SLC39A11: variants seen among roughly 807,000 people sequenced by gnomAD.
SLC39A11 encodes solute carrier family 39 member 11.
Under a neutral mutation model 36.1 loss-of-function variants are expected in SLC39A11, and 33 were observed. That is an observed-to-expected ratio of 0.91 (90% CI 0.69 to 1.22). The LOEUF (loss-of-function observed/expected upper bound fraction) is 1.22. Ranked by LOEUF, SLC39A11 falls within the 50% of genes most tolerant of loss-of-function variation. The probability of loss-of-function intolerance (pLI) is 0.00; values close to 1 mark genes in which losing one functional copy is unlikely to be tolerated. For missense variants in SLC39A11, 432 were observed against 430.3 expected, an observed-to-expected ratio of 1.00 and a Z score of -0.03; for synonymous variants, 166 against 170.3, an observed-to-expected ratio of 0.97 and a Z score of 0.20.
intron 4 of SLC39A11, among the ~76,000 whole-genome samples, chr17:72,975,094 A>G (rs1206401799): frequency 6.6e-6 from 1 of 152,174 alleles, no homozygotes; most frequent in South Asian, 2.1e-4. Context: ...GCATGACTTT[A>G]TTAGAAGGTA....
intron 6 of SLC39A11, among the ~76,000 whole-genome samples, chr17:72,788,108 C>T (rs1346353170): frequency 1.3e-5 from 2 of 152,206 alleles, no homozygotes; most frequent in African/African-American, 2.4e-5. Context: ...TTAATCATTG[C>T]TTCCCAGCAT....
intron 7 of SLC39A11, among the ~76,000 whole-genome samples, chr17:72,668,178 T>C (rs1046771076): frequency 6.6e-6 from 1 of 150,976 alleles, no homozygotes; most frequent in African/African-American, 2.4e-5. Context: ...TTGCTATAAA[T>C]ATTAATGCTG....
chr17:72,846,087 T>C (rs1197474655), intron 6 of SLC39A11, among the ~76,000 whole-genome samples: 1 of 137,288 alleles, frequency 7.3e-6, no homozygotes, highest in Admixed American at 8.4e-5. Flanking sequence ...TGCAGTGCAG[T>C]AGCATGATCT....
At chr17:72,694,010 G>A (rs537252981) in intron 7 of SLC39A11, among the ~76,000 whole-genome samples, 10 of 152,206 alleles carry the variant, frequency 6.6e-5, no homozygotes, top group African/African-American at 1.2e-4. Flanking sequence ...TGACTCTCCC[G>A]AGGGGACAGA....
intron 6 of SLC39A11, among the ~76,000 whole-genome samples, chr17:72,744,677 G>A (rs1324627917): frequency 6.6e-6 from 1 of 152,006 alleles, no homozygotes; most frequent in Non-Finnish European, 1.5e-5. Flanking sequence ...GGGGTTCCTT[G>A]CTGTGTCCTC....
chr17:73,015,730 G>A (rs934089063), intron 4 of SLC39A11, among the ~76,000 whole-genome samples: 3 of 152,002 alleles, frequency 2.0e-5, no homozygotes, highest in African/African-American at 2.4e-5. Flanking sequence ...TTACAGATGC[G>A]CACCACCACG....
chr17:72,716,220 T>G (rs907397876), intron 7 of SLC39A11, among the ~76,000 whole-genome samples: 1 of 152,044 alleles, frequency 6.6e-6, no homozygotes, highest in Non-Finnish European at 1.5e-5. Flanking sequence ...CAGCACTCCA[T>G]TCTGGACAGA....
chr17:72,876,035 T>C (rs1346966856), intron 5 of SLC39A11, among the ~76,000 whole-genome samples: 1 of 152,204 alleles, frequency 6.6e-6, no homozygotes, highest in Non-Finnish European at 1.5e-5. Context: ...AAAAGTAGGT[T>C]ATAAATATAA....
At chr17:72,794,430 C>A (rs2076822026) in intron 6 of SLC39A11, among the ~76,000 whole-genome samples, 1 of 152,068 alleles carries the variant, frequency 6.6e-6, no homozygotes, top group South Asian at 2.1e-4. Context: ...GTGAGAAAAT[C>A]TGATAATATT....
intron 4 of SLC39A11, among the ~76,000 whole-genome samples, chr17:72,954,677 C>T (rs1402738523): frequency 6.6e-6 from 1 of 152,188 alleles, no homozygotes; most frequent in Non-Finnish European, 1.5e-5. Context: ...TAAATTATTC[C>T]ACATAATGGA....
chr17:72,888,696 G>A (rs2081560551), intron 5 of SLC39A11, among the ~76,000 whole-genome samples: 1 of 152,126 alleles, frequency 6.6e-6, no homozygotes, highest in African/African-American at 2.4e-5. Context: ...GAGGCCAGGA[G>A]TTCAAGATCA....
At chr17:73,086,690 C>T (rs1325627145) in intron 2 of SLC39A11, among the ~76,000 whole-genome samples, 2 of 152,118 alleles carry the variant, frequency 1.3e-5, no homozygotes, top group Non-Finnish European at 2.9e-5. Context: ...CATGGTGGTG[C>T]ACACCCGTAG....
intron 6 of SLC39A11, among the ~76,000 whole-genome samples, chr17:72,818,684 T>C (rs936485446): frequency 6.6e-6 from 1 of 152,212 alleles, no homozygotes; most frequent in Non-Finnish European, 1.5e-5. Flanking sequence ...AATTCTAGTC[T>C]GTTGAGATCC....
intron 5 of SLC39A11, among the ~76,000 whole-genome samples, chr17:72,900,594 C>T (rs2082343681): frequency 6.6e-6 from 1 of 151,692 alleles, no homozygotes; most frequent in Non-Finnish European, 1.5e-5. Context: ...TTTACAGTCA[C>T]TGACTGCTGG....
chr17:72,935,935 A>G (rs149808894), intron 5 of SLC39A11, among the ~76,000 whole-genome samples: 2,919 of 151,110 alleles, frequency 0.019, 84 homozygotes, highest in East Asian at 0.11. Context: ...AGTGGCTCAC[A>G]CCTATAATCC....
At chr17:72,718,281 A>G (rs2073494402) in intron 7 of SLC39A11, among the ~76,000 whole-genome samples, 2 of 151,468 alleles carry the variant, frequency 1.3e-5, no homozygotes, top group Non-Finnish European at 2.9e-5. Context: ...CTAAAAAGAG[A>G]AAAAAAAATT....
At chr17:72,928,710 C>T (rs1223054667) in intron 5 of SLC39A11, among the ~76,000 whole-genome samples, 1 of 152,150 alleles carries the variant, frequency 6.6e-6, no homozygotes, top group South Asian at 2.1e-4. Flanking sequence ...CCTCCCTGGC[C>T]GTACCTCAAG....
At chr17:72,803,069 T>A in intron 6 of SLC39A11, among the ~76,000 whole-genome samples, 1 of 152,224 alleles carries the variant, frequency 6.6e-6, no homozygotes, top group East Asian at 1.9e-4. Context: ...TGCTTTCTTG[T>A]TTGTAGAATA....
At chr17:72,853,509 G>A (rs984673253) in intron 5 of SLC39A11, among the ~76,000 whole-genome samples, 1 of 151,870 alleles carries the variant, frequency 6.6e-6, no homozygotes, top group Non-Finnish European at 1.5e-5. Flanking sequence ...AACAGACCTC[G>A]GACGCACCAC....
Sources: allele counts gnomAD v4.1 joint callset (sites outside exome capture counted in the v4.1 genomes callset), GRCh38; gene constraint gnomAD v4.1.1; transcripts MANE v1.5; gene names NCBI Gene and HGNC (gene_info 2026-07-23, HGNC 2026-07-21).